Variants in ADD2 observed in about 807,000 individuals in gnomAD.
The protein encoded by ADD2 is adducin 2.
ADD2 carries 23 observed loss-of-function variants against 83.0 expected under a neutral mutation model. That is an observed-to-expected ratio of 0.28 (90% confidence interval 0.20 to 0.39). The LOEUF (loss-of-function observed/expected upper bound fraction) is 0.39. ADD2 is among the 10% of genes least tolerant of loss of function. The probability of loss-of-function intolerance (pLI) is 1.00; values close to 1 mark genes in which losing one functional copy is unlikely to be tolerated. For synonymous variants in ADD2, 375 were observed against 375.4 expected, an observed-to-expected ratio of 1.00 and a Z score of 0.01; for missense variants, 758 against 944.9, an observed-to-expected ratio of 0.80 and a Z score of 2.59.
At position 70,675,052 on chromosome 2, in the gene ADD2, C is replaced by T. The variant is rs1005062269; in HGVS notation, c.1594-227G>A. ...TGGCTGGATGAATATAGGGGGTCCA[C>T]AGTCTGCCCCTGAAATAAAATCAAA... On this transcript the variant is annotated intron_variant, in intron 13 of 15. Transcript: ENST00000264436. 109 of 1,284,558 alleles carry T rather than the reference C, an allele frequency of 8.5e-5. 1 individual carries two copies. The highest frequency in any genetic ancestry group is 1.0e-4 in the Non-Finnish European group (104 of 1,018,130). The allele number at this position is 1,284,558 out of a possible 1,614,324, so 79.6% of individuals were successfully genotyped here. A position where few individuals can be genotyped will look rare whatever the true frequency, so the allele number is the denominator to read the frequency against.
Position 70,671,764 on chromosome 2 carries a change from C to T in ADD2, c.1870+1114G>A, listed in dbSNP as rs114852106. Among the ~76,000 whole-genome samples, 392 of 152,254 alleles carry T rather than the reference C, an allele frequency of 2.6e-3. 3 individuals carry two copies. Among genetic ancestry groups the T allele is most frequent in the South Asian group, 0.018 (88 of 4,822 alleles). ...GGCAACACTGGGCCTGCACAGGAGG[C>T]AATAGTTTGCTTGTGGAGGGAGCTC... On this transcript the variant is annotated intron_variant, in intron 15 of 15. Transcript: ENST00000264436.
At chr2:70,736,869 T>C (rs1453828548) in intron 1 of ADD2, among the ~76,000 whole-genome samples, 1 of 151,838 alleles carries the variant, frequency 6.6e-6, no homozygotes, top group Non-Finnish European at 1.5e-5. Context: ...GGAGCATCTA[T>C]TATAAAAAGG....
chr2:70,760,594 G>C (rs1176423511), intron 1 of ADD2: 1 of 152,170 alleles, frequency 6.6e-6, no homozygotes. Flanking sequence ...AAGCAAGCAA[G>C]AAAATGGTTA....
At chr2:70,710,320 T>C (rs540364369) in intron 2 of ADD2, among the ~76,000 whole-genome samples, 2 of 152,328 alleles carry the variant, frequency 1.3e-5, no homozygotes, top group Non-Finnish European at 2.9e-5. Flanking sequence ...CCCTTCCCCA[T>C]GGAGTGGTTG....
rs1203725114 is a variant in ADD2 at position 70,761,676 on chromosome 2, CT to C, written c.-154+6209del. Among the ~76,000 whole-genome samples the C allele has an allele frequency of 9.2e-3, 1,290 of 140,132 alleles. 22 individuals carry two copies. The highest frequency in any genetic ancestry group is 0.029 in the African/African-American group (1,110 of 38,156). 91.9% of individuals were successfully genotyped at this position (140,132 alleles called of 152,430 possible). On this transcript the variant is annotated intron_variant, in intron 1 of 15. Coordinates refer to ENST00000264436, the MANE Select transcript of ADD2 (RefSeq NM_001617.4). ...TTTATGAAAGAACAAATAGACACAACTTTTTTTTTTTTTGAGACAGAGTATC... is the reference window on the plus strand; with the variant it reads ...TTTATGAAAGAACAAATAGACACAACTTTTTTTTTTTTGAGACAGAGTATC...
intron 4 of ADD2, among the ~76,000 whole-genome samples, chr2:70,697,029 C>T (rs1042772702): frequency 5.3e-5 from 8 of 152,190 alleles, no homozygotes; most frequent in East Asian, 3.9e-4. Context: ...TGTGGTGGCA[C>T]GCGCCTGTAA....
rs781944946 is a variant in ADD2 at position 70,706,480 on chromosome 2, G to A, written c.-34-38C>T. The A allele has an allele frequency of 1.3e-6, 2 of 1,519,644 alleles. No individual in the cohort carries two copies. The highest frequency in any genetic ancestry group is 1.8e-6 in the Non-Finnish European group (2 of 1,130,654). 94.1% of individuals were successfully genotyped at this position (1,519,644 alleles called of 1,614,324 possible). On this transcript the variant is annotated intron_variant, in intron 2 of 15. Transcript: ENST00000264436. This position sits in a 1 kb window ranked among gnomAD's most constrained non-coding sequence, Gnocchi z 5.0. ...GGAGAGGGTATGCGGTCAGGTTGGT[G>A]CTCCCCATCGGGGTACACGTTTCTC... is the stretch of plus-strand genomic sequence containing the variant.
rs137979936 is a variant in ADD2 at position 70,695,702 on chromosome 2, G to T, written c.555+19C>A. On this transcript the variant is annotated intron_variant, in intron 6 of 15. Transcript: ENST00000264436. ...GTCATTTCAATAAGGAGTGGGCAGTGATGCTGGACTGTACTCACCAGGCTG... is the reference window on the plus strand; with the variant it reads ...GTCATTTCAATAAGGAGTGGGCAGTTATGCTGGACTGTACTCACCAGGCTG... 2 of 1,609,948 alleles carry T rather than the reference G, an allele frequency of 1.2e-6. No homozygotes were observed. The highest frequency in any genetic ancestry group is 4.5e-5 in the East Asian group (2 of 44,874).
intron 1 of ADD2, among the ~76,000 whole-genome samples, chr2:70,759,175 T>C (rs1357589857): frequency 2.6e-5 from 4 of 152,140 alleles, no homozygotes; most frequent in African/African-American, 9.7e-5. Flanking sequence ...AGGCATTAAA[T>C]GGAGCACTGA....
At chr2:70,759,121 C>G (rs750331102) in intron 1 of ADD2, among the ~76,000 whole-genome samples, 1 of 152,068 alleles carries the variant, frequency 6.6e-6, no homozygotes, top group Non-Finnish European at 1.5e-5. Flanking sequence ...AAGTTTTTTT[C>G]AGCCACTTCA....
At chr2:70,756,062 C>CAAAAAAAAGAAAAAAAAAA (rs1674766256) in intron 1 of ADD2, among the ~76,000 whole-genome samples, 1 of 68,982 alleles carries the variant, frequency 1.4e-5, no homozygotes, top group African/African-American at 6.5e-5. Context: ...TTCATCTCAG[C>CAAAAAAAAGAAAAAAAAAA]AAAAAAAAGA....
At chr2:70,684,001 C>G (rs782816864) in intron 9 of ADD2, among the ~76,000 whole-genome samples, 10 of 152,158 alleles carry the variant, frequency 6.6e-5, no homozygotes, top group Non-Finnish European at 1.5e-4. Flanking sequence ...AAGCATTAAA[C>G]CTTAAGAATC....
At chr2:70,686,933 A>G (rs1553370612) in intron 9 of ADD2, among the ~76,000 whole-genome samples, 1 of 152,142 alleles carries the variant, frequency 6.6e-6, no homozygotes, top group Non-Finnish European at 1.5e-5. Context: ...GCAGATCTCA[A>G]TCTCCCCAGA....
chr2:70,686,108 T>C (rs1253946708), intron 9 of ADD2, among the ~76,000 whole-genome samples: 1 of 152,254 alleles, frequency 6.6e-6, no homozygotes, highest in Non-Finnish European at 1.5e-5. Flanking sequence ...GCTTCAGTGC[T>C]GGCCGCTTCA....
At chr2:70,751,033 G>A (rs1345379038) in intron 1 of ADD2, among the ~76,000 whole-genome samples, 2 of 152,154 alleles carry the variant, frequency 1.3e-5, no homozygotes, top group African/African-American at 4.8e-5. Flanking sequence ...AATGGGAGAC[G>A]CTGACATTTG....
chr2:70,756,466 CA>C, intron 1 of ADD2, among the ~76,000 whole-genome samples: 1 of 152,314 alleles, frequency 6.6e-6, no homozygotes, highest in East Asian at 1.9e-4. Context: ...GAAATCCTAG[CA>C]TGCTACTTAT....
chr2:70,748,776 T>C (rs1217326560), intron 1 of ADD2, among the ~76,000 whole-genome samples: 8 of 152,196 alleles, frequency 5.3e-5, no homozygotes, highest in African/African-American at 1.9e-4. Context: ...GTCCAAAGGA[T>C]TTTGGAGGTT....
intron 1 of ADD2, among the ~76,000 whole-genome samples, chr2:70,738,526 C>T (rs1259925816): frequency 1.3e-5 from 2 of 152,160 alleles, no homozygotes; most frequent in African/African-American, 2.4e-5. Context: ...GGGTCTGTAC[C>T]CTCCAGAAAA....
At chr2:70,767,514 G>A (rs1259702473) in intron 1 of ADD2, 2 of 361,552 alleles carry the variant, frequency 5.5e-6, no homozygotes, top group African/African-American at 2.2e-5. Context: ...AGAGAGGGGA[G>A]GGGAGGGAGG....
Sources: gnomAD v4.1 joint callset for allele counts (sites outside exome capture counted in the v4.1 genomes callset) on GRCh38, gnomAD v4.1.1 for gene constraint, Gnocchi (gnomAD v3.1) non-coding constraint, MANE v1.5 for transcripts, NCBI Gene and HGNC (gene_info 2026-07-23, HGNC 2026-07-21) for gene names.